The following CACNA1A variants were observed in gnomAD, a reference collection of about 807,000 sequenced individuals.
CACNA1A encodes voltage-dependent P/Q-type calcium channel subunit alpha-1A.
In CACNA1A, 57 loss-of-function variants were observed where a neutral mutation model predicts 262.4. The observed-to-expected ratio is 0.22, with a 90% CI of 0.18 to 0.27. The LOEUF is 0.27. Ranked by LOEUF, CACNA1A falls within the 10% of genes least tolerant of loss-of-function variation. The pLI is 1.00. For synonymous variants in CACNA1A, 1,431 were observed against 1,419.3 expected, an observed-to-expected ratio of 1.01 and a Z score of -0.18; for missense variants, 2,526 against 3,562.8, an observed-to-expected ratio of 0.71 and a Z score of 7.41.
rs16027 is a variant in CACNA1A at position 13,286,746 on chromosome 19, C to T, written c.3310G>A (p.Gly1104Ser). 162,423 of 1,606,038 alleles carry T rather than the reference C, an allele frequency of 0.1. 9,572 individuals carry two copies. The highest frequency in any genetic ancestry group is 0.24 in the South Asian group (21,351 of 90,674). The change falls in exon 20 of 47, where the codon GGC becomes AGC. Residue 1104 changes from glycine to serine, a missense_variant. Coordinates refer to ENST00000360228, the MANE Select transcript of CACNA1A (RefSeq NM_001127222.2). ...ATGGCAGGGATGGCCAGCATGGGGC[C>T]GGGGTCGGTGCTGTTTCCCATCTTG... ...PAKMGNSTDPGPMLAIPAMAT... is the reference protein window; with the variant it reads ...PAKMGNSTDPSPMLAIPAMAT...
At position 13,308,655 on chromosome 19, in the gene CACNA1A, G is replaced by A. The variant is rs1417563468; in HGVS notation, c.1669-127C>T. On this transcript the variant is annotated intron_variant, in intron 12 of 46. Coordinates refer to ENST00000360228, the MANE Select transcript of CACNA1A (RefSeq NM_001127222.2). The surrounding 1 kb of genome is among the most constrained non-coding windows in gnomAD (Gnocchi z 4.2). ...CTCCCTCCAAATGGAAGCCGGGTGA[G>A]GATCCTTGACCCCCTCATTCATCCA... The A allele has an allele frequency of 1.3e-5, 8 of 602,646 alleles. No individual in the cohort carries two copies. In the East Asian group the frequency reaches 2.0e-4, roughly 15 times the overall value. The allele number at this position is 602,646 out of a possible 1,614,324, so 37.3% of individuals were successfully genotyped here.
intron 1 of CACNA1A, among the ~76,000 whole-genome samples, chr19:13,461,057 G>A (rs1302171889): frequency 2.0e-5 from 3 of 152,068 alleles, no homozygotes; most frequent in African/African-American, 7.2e-5. Context: ...ACCAGTGGAA[G>A]GGCCTGGTGC....
rs749252129 is a variant in CACNA1A, at chr19:13,308,280, G to T, written c.1782-29C>A. 1.2e-6 allele frequency: 2 copies of T among 1,600,310 alleles called. No individual in the cohort carries two copies. The highest frequency in any genetic ancestry group is 2.2e-5 in the South Asian group (2 of 89,746). ...CCGACAGAGGCCAGGCGAGGACTCA[G>T]GCCAGGCGGGGGAGGCAGGGCCCCG... On this transcript the variant is annotated intron_variant, in intron 13 of 46. Coordinates refer to ENST00000360228, the MANE Select transcript of CACNA1A (RefSeq NM_001127222.2). The surrounding 1 kb of genome is among the most constrained non-coding windows in gnomAD (Gnocchi z 4.2).
At chr19:13,410,537 T>A (rs993374986) in intron 3 of CACNA1A, among the ~76,000 whole-genome samples, 2 of 121,892 alleles carry the variant, frequency 1.6e-5, no homozygotes, top group Non-Finnish European at 3.0e-5. Flanking sequence ...TTTATTCTTT[T>A]TTCTTTTTTT....
At position 13,485,535 on chromosome 19, in the gene CACNA1A, T is replaced by A. The variant is rs187427254; in HGVS notation, c.293+20397A>T. 2.7e-3 allele frequency among the ~76,000 whole-genome samples: 417 copies of A among 152,160 alleles called. 4 individuals carry two copies. Among genetic ancestry groups the A allele is most frequent in the African/African-American group, 9.3e-3 (385 of 41,528 alleles). ...CACCCACAAATCAATATTTTTTTTT[T>A]AAAAGTGACCTAATCAAAAATGGAC... On this transcript the variant is annotated intron_variant, in intron 1 of 46. Coordinates refer to ENST00000360228, the MANE Select transcript of CACNA1A (RefSeq NM_001127222.2).
intron 22 of CACNA1A, among the ~76,000 whole-genome samples, chr19:13,282,904 C>T (rs1029937723): frequency 3.3e-5 from 5 of 152,226 alleles, no homozygotes; most frequent in South Asian, 4.1e-4. Context: ...ATGTCTACTG[C>T]GGAGGGGACC....
At position 13,495,760 on chromosome 19, in the gene CACNA1A, T is replaced by C. The variant is rs1045875635; in HGVS notation, c.293+10172A>G. ...CAACATCCACCCATCCACCCACCCA[T>C]TCAACCATCTATCATCCACTCATCC... On this transcript the variant is annotated intron_variant, in intron 1 of 46. Coordinates refer to ENST00000360228, the MANE Select transcript of CACNA1A (RefSeq NM_001127222.2). 2.6e-5 allele frequency among the ~76,000 whole-genome samples: 4 copies of C among 151,912 alleles called. No individual in the cohort carries two copies. The East Asian group carries it at 5.8e-4, about 22-fold the overall frequency.
intron 15 of CACNA1A, among the ~76,000 whole-genome samples, chr19:13,304,602 AC>A (rs1490195012): frequency 6.6e-6 from 1 of 150,840 alleles, no homozygotes; most frequent in Non-Finnish European, 1.5e-5. Context: ...AGGCTGGGTG[AC>A]AAAAAAATGT....
intron 6 of CACNA1A, among the ~76,000 whole-genome samples, chr19:13,338,541 GGAGA>G (rs891254535): frequency 1.6e-5 from 2 of 125,816 alleles, no homozygotes; most frequent in African/African-American, 2.9e-5. Context: ...GTTATCAATA[GGAGA>G]GAGAGGATAC....
At chr19:13,266,661 C>T (rs1310299601) in intron 24 of CACNA1A, among the ~76,000 whole-genome samples, 2 of 152,146 alleles carry the variant, frequency 1.3e-5, no homozygotes, top group African/African-American at 4.8e-5. Flanking sequence ...GCAACCTCCA[C>T]CTCCCAGGTT....
At chr19:13,384,868 T>G (rs2059583027) in intron 3 of CACNA1A, among the ~76,000 whole-genome samples, 1 of 152,060 alleles carries the variant, frequency 6.6e-6, no homozygotes, top group Non-Finnish European at 1.5e-5. Context: ...CGGGGGCTGA[T>G]GGTTGAGGGA....
chr19:13,439,255 C>T (rs558685073), intron 3 of CACNA1A, among the ~76,000 whole-genome samples: 99 of 133,268 alleles, frequency 7.4e-4, no homozygotes, highest in African/African-American at 2.7e-3. Context: ...ACTACAGGCG[C>T]CCACCACCAC....
intron 1 of CACNA1A, among the ~76,000 whole-genome samples, chr19:13,491,660 T>C (rs941348007): frequency 6.6e-6 from 1 of 152,130 alleles, no homozygotes; most frequent in Non-Finnish European, 1.5e-5. Flanking sequence ...TGGCTGCCAT[T>C]TCGCTTTGAA....
At chr19:13,283,753 A>G (rs2057342467) in intron 21 of CACNA1A, 1 of 177,848 alleles carries the variant, frequency 5.6e-6, no homozygotes, top group South Asian at 1.4e-4. Context: ...GGGCCAAACA[A>G]TATTGTGAAT....
In CACNA1A at chr19:13,224,695, G is replaced by T. The variant is rs1600114408; in HGVS notation, c.5703C>A (p.Arg1901=). 3 of 1,612,630 alleles carry T rather than the reference G, an allele frequency of 1.9e-6. No homozygotes were observed. In the East Asian group the frequency reaches 6.7e-5, roughly 36 times the overall value. The change falls in exon 38 of 47, where the codon CGC becomes CGA. Residue 1901 remains arginine, a synonymous_variant. Transcript: ENST00000360228. ...TGGCAATCTTGATGTCCAGGGCTGT[G>T]CGGATCAGAGCCATGAGGGTGGAAT... ...HFNSTLMALI[R]TALDIKIAKG...
chr19:13,321,327 C>T (rs1366366290), intron 10 of CACNA1A, among the ~76,000 whole-genome samples: 1 of 152,108 alleles, frequency 6.6e-6, no homozygotes, highest in South Asian at 2.1e-4. Context: ...AGATACTGGG[C>T]GTCCGGGCCA....
chr19:13,421,398 C>A (rs913503278), intron 3 of CACNA1A, among the ~76,000 whole-genome samples: 1 of 152,062 alleles, frequency 6.6e-6, no homozygotes, highest in Non-Finnish European at 1.5e-5. Context: ...TAGGGCCCTG[C>A]TCTCATGGAG....
intron 12 of CACNA1A, among the ~76,000 whole-genome samples, chr19:13,312,260 C>A (rs78911659): frequency 0.027 from 4,078 of 152,274 alleles, 171 homozygotes; most frequent in African/African-American, 0.092. Flanking sequence ...GTGTTGTAAT[C>A]TAACAATTAT....
intron 1 of CACNA1A, among the ~76,000 whole-genome samples, chr19:13,503,530 ACT>A (rs1447054014): frequency 6.6e-6 from 1 of 150,884 alleles, no homozygotes; most frequent in East Asian, 2.0e-4. Context: ...TGGTATCGTG[ACT>A]CTGACATTCC....
Sources: allele counts gnomAD v4.1 joint callset (sites outside exome capture counted in the v4.1 genomes callset), GRCh38; gene constraint gnomAD v4.1.1; non-coding constraint Gnocchi (gnomAD v3.1); transcripts MANE v1.5; gene names NCBI Gene and HGNC (gene_info 2026-07-23, HGNC 2026-07-21).